The following MGAT3 variants were observed in gnomAD, a reference collection of about 807,000 sequenced individuals.
MGAT3 encodes GlcNAc-T III.
In MGAT3, 9 loss-of-function variants were observed where a neutral mutation model predicts 29.8. That is an observed-to-expected ratio of 0.30 (90% CI 0.18 to 0.53). MGAT3 has a LOEUF of 0.53. MGAT3 is among the 20% of genes least tolerant of loss of function. MGAT3 has a pLI of 0.96. For missense variants in MGAT3, 557 were observed against 769.5 expected, an observed-to-expected ratio of 0.72 and a Z score of 3.27; for synonymous variants, 397 against 348.9, an observed-to-expected ratio of 1.14 and a Z score of -1.54.
chr22:39,476,138 C>T (rs2145719780), intron 1 of MGAT3, among the ~76,000 whole-genome samples: 1 of 142,450 alleles, frequency 7.0e-6, no homozygotes, highest in African/African-American at 2.7e-5. Flanking sequence ...CTGGGATCAG[C>T]TGATGGGGAT....
intron 1 of MGAT3, among the ~76,000 whole-genome samples, chr22:39,473,967 C>G (rs1928882510): frequency 6.6e-6 from 1 of 152,026 alleles, no homozygotes; most frequent in Non-Finnish European, 1.5e-5. Context: ...CCGGAGCCTC[C>G]TGGAGTCTGG....
chr22:39,469,454 C>T (rs1027738402), intron 1 of MGAT3, among the ~76,000 whole-genome samples: 6 of 152,176 alleles, frequency 3.9e-5, no homozygotes, highest in Non-Finnish European at 7.4e-5. Context: ...TCCCTCACTC[C>T]GTCTGGCACT....
At chr22:39,460,007 A>C (rs1000491850) in intron 1 of MGAT3, among the ~76,000 whole-genome samples, 3 of 152,366 alleles carry the variant, frequency 2.0e-5, no homozygotes, top group African/African-American at 7.2e-5. Context: ...GTCCTCATGC[A>C]ATTCTGGGAA....
At position 39,487,245 on chromosome 22, in the gene MGAT3, C is replaced by A; in HGVS notation, c.-1-102C>A. 2.4e-6 allele frequency: 3 copies of A among 1,254,726 alleles called. No individual in the cohort carries two copies. The highest frequency in any genetic ancestry group is 3.3e-6 in the Non-Finnish European group (3 of 904,806). The allele number at this position is 1,254,726 out of a possible 1,614,324, so 77.7% of individuals were successfully genotyped here. A position where few individuals can be genotyped will look rare whatever the true frequency, so the allele number is the denominator to read the frequency against. The stretch of plus-strand genomic sequence containing the variant: ...TGCAGGGGCAGCAGGTGCTGGCCAC[C>A]ACATTGTCCAGCAAGGTGGCAGCAG... On this transcript the variant is annotated intron_variant, in intron 1 of 1. Transcript: ENST00000341184. This position sits in a 1 kb window ranked among gnomAD's most constrained non-coding sequence, Gnocchi z 5.7.
intron 1 of MGAT3, among the ~76,000 whole-genome samples, chr22:39,459,684 T>A (rs747871487): frequency 5.3e-5 from 8 of 152,198 alleles, no homozygotes; most frequent in Non-Finnish European, 8.8e-5. Context: ...GCCAGGCTGG[T>A]CTTGAACTCC....
rs1929307326 is a variant in MGAT3 at position 39,487,431 on chromosome 22, C to T, written c.84C>T (p.Thr28=). The T allele has an allele frequency of 2.5e-6, 4 of 1,613,636 alleles. No homozygotes were observed. The highest frequency in any genetic ancestry group is 3.4e-6 in the Non-Finnish European group (4 of 1,179,986). Residue 28 remains threonine (T), a synonymous_variant, in exon 2 of 2, where the codon ACC becomes ACT. Coordinates refer to ENST00000341184, the MANE Select transcript of MGAT3 (RefSeq NM_002409.5). This position sits in a 1 kb window ranked among gnomAD's most constrained non-coding sequence, Gnocchi z 5.7. The stretch of plus-strand genomic sequence containing the variant: ...TCTCCTTCCTGCACTTCTTCAAGAC[C>T]CTGTCCTATGTCACCTTCCCCCGAG... ...CLISFLHFFK[T]LSYVTFPREL...
chr22:39,465,235 C>T (rs1257534278), intron 1 of MGAT3, among the ~76,000 whole-genome samples: 1 of 152,184 alleles, frequency 6.6e-6, no homozygotes, highest in African/African-American at 2.4e-5. Context: ...CCTGGTGTCT[C>T]CTCCTTCACA....
intron 1 of MGAT3, among the ~76,000 whole-genome samples, chr22:39,464,820 G>A (rs1328752162): frequency 1.3e-5 from 2 of 151,208 alleles, no homozygotes; most frequent in East Asian, 1.9e-4. Context: ...GCATGATCTC[G>A]GCTCACTGTA....
intron 1 of MGAT3, among the ~76,000 whole-genome samples, chr22:39,486,969 T>C (rs1385814110): frequency 6.6e-6 from 1 of 152,182 alleles, no homozygotes; most frequent in Non-Finnish European, 1.5e-5. Context: ...CCCCGTTCTG[T>C]CCTGGGGCGG....
intron 1 of MGAT3, among the ~76,000 whole-genome samples, chr22:39,481,910 C>T (rs1306687192): frequency 3.3e-5 from 5 of 152,168 alleles, no homozygotes; most frequent in Non-Finnish European, 5.9e-5. Flanking sequence ...ATGTCAGCCT[C>T]AGTGATAGTT....
intron 1 of MGAT3, among the ~76,000 whole-genome samples, chr22:39,465,743 T>TG (rs1928625739): frequency 6.6e-6 from 1 of 151,754 alleles, no homozygotes; most frequent in Non-Finnish European, 1.5e-5. Context: ...ACCAGCCTGG[T>TG]TAACATGGTG....
intron 1 of MGAT3, among the ~76,000 whole-genome samples, chr22:39,463,139 A>G (rs894021501): frequency 6.6e-6 from 1 of 152,144 alleles, no homozygotes; most frequent in African/African-American, 2.4e-5. Context: ...GGTCATCATA[A>G]TTTGCTGCTC....
At chr22:39,485,794 C>A (rs534249850) in intron 1 of MGAT3, among the ~76,000 whole-genome samples, 1 of 152,104 alleles carries the variant, frequency 6.6e-6, no homozygotes, top group East Asian at 1.9e-4. Context: ...GTCTTAAAAA[C>A]AAACAAACAA....
chr22:39,484,359 G>GT lies in MGAT3; in HGVS notation c.-1-2979dup, dbSNP rs373011474. The stretch of plus-strand genomic sequence containing the variant: ...AAGGTTCAGAATGATTAGGAGCCTT[G>GT]TTTTTTTTTGTTTGTTTGTTTGTTG... On this transcript the variant is annotated intron_variant, in intron 1 of 1. Coordinates refer to ENST00000341184, the MANE Select transcript of MGAT3 (RefSeq NM_002409.5). Among the ~76,000 whole-genome samples the GT allele has an allele frequency of 7.3e-3, 1,102 of 151,074 alleles. 21 individuals are homozygous for GT. The highest frequency in any genetic ancestry group is 0.025 in the African/African-American group (1,030 of 41,242).
chr22:39,469,616 A>AC (rs927140255), intron 1 of MGAT3, among the ~76,000 whole-genome samples: 14 of 151,664 alleles, frequency 9.2e-5, no homozygotes, highest in Admixed American at 9.2e-4. Flanking sequence ...CCAGCCAACA[A>AC]CCCCTCCACT....
intron 1 of MGAT3, among the ~76,000 whole-genome samples, chr22:39,467,520 T>C (rs1281231326): frequency 1.4e-5 from 2 of 139,726 alleles, no homozygotes; most frequent in Non-Finnish European, 3.3e-5. Context: ...AAGGTAGGAG[T>C]GGGCAGGAGC....
chr22:39,476,179 G>T (rs950612248), intron 1 of MGAT3, among the ~76,000 whole-genome samples: 3 of 151,226 alleles, frequency 2.0e-5, no homozygotes, highest in Non-Finnish European at 2.9e-5. Context: ...GGTGCACAGG[G>T]ACTGGAGGTG....
At chr22:39,485,578 G>A (rs1374064206) in intron 1 of MGAT3, among the ~76,000 whole-genome samples, 1 of 152,148 alleles carries the variant, frequency 6.6e-6, no homozygotes, top group African/African-American at 2.4e-5. Flanking sequence ...ATCACCTGAG[G>A]TCAGGAGTTC....
chr22:39,486,155 T>C (rs1030784057), intron 1 of MGAT3: 39 of 425,874 alleles, frequency 9.2e-5, no homozygotes, highest in Admixed American at 4.7e-4. Context: ...TTTTTTTTTT[T>C]TTTTTTTTAG....
Sources: gnomAD v4.1 joint callset for allele counts (sites outside exome capture counted in the v4.1 genomes callset) on GRCh38, gnomAD v4.1.1 for gene constraint, Gnocchi (gnomAD v3.1) non-coding constraint, MANE v1.5 for transcripts, NCBI Gene and HGNC (gene_info 2026-07-23, HGNC 2026-07-21) for gene names.